The following LGR5 variants were observed in gnomAD, a reference collection of about 807,000 sequenced individuals.
LGR5 encodes the protein leucine rich repeat containing G protein-coupled receptor 5, also known as leucine-rich repeat-containing G protein-coupled receptor 5.
In LGR5, 54 loss-of-function variants were observed where a neutral mutation model predicts 76.7. The ratio of observed to expected loss-of-function variants is 0.70; its 90% CI spans 0.57 to 0.88. LGR5 has a LOEUF of 0.88. Among genes scored for constraint, LGR5 ranks in the 40% least tolerant of loss-of-function variants. LGR5 has a pLI of 0.00. For missense variants in LGR5, 1,078 were observed against 1,073.3 expected, an observed-to-expected ratio of 1.00 and a Z score of -0.06; for synonymous variants, 406 against 421.9, an observed-to-expected ratio of 0.96 and a Z score of 0.46.
At chr12:71,576,888 A>G (rs1878879927) in intron 13 of LGR5, among the ~76,000 whole-genome samples, 2 of 152,016 alleles carry the variant, frequency 1.3e-5, no homozygotes, top group Non-Finnish European at 2.9e-5. Context: ...TTCTCACTCA[A>G]TTACCCAAAG....
At chr12:71,540,414 A>T (rs1565735173) in intron 4 of LGR5, among the ~76,000 whole-genome samples, 1 of 152,220 alleles carries the variant, frequency 6.6e-6, no homozygotes, top group East Asian at 1.9e-4. Flanking sequence ...TATTGTCTCT[A>T]TTCTCCAATT....
chr12:71,544,189 A>T (rs1392677093), intron 4 of LGR5, among the ~76,000 whole-genome samples: 1 of 151,858 alleles, frequency 6.6e-6, no homozygotes, highest in Non-Finnish European at 1.5e-5. Context: ...ATTAGTCTCT[A>T]AATTACTGCA....
intron 15 of LGR5, 123 bp from the exon 16 acceptor site, chr12:71,580,155 T>A: frequency 1.2e-6 from 1 of 837,470 alleles, no homozygotes. Flanking sequence ...GCATAACTTA[T>A]ACTTTGGATT....
intron 4 of LGR5, among the ~76,000 whole-genome samples, chr12:71,543,751 A>G (rs1233454946): frequency 6.6e-6 from 1 of 152,226 alleles, no homozygotes; most frequent in Admixed American, 6.5e-5. Flanking sequence ...TGTTGCAGTA[A>G]TGCAGGTGTG....
At chr12:71,540,263 C>A (rs1487659318) in intron 4 of LGR5, among the ~76,000 whole-genome samples, 1 of 152,160 alleles carries the variant, frequency 6.6e-6, no homozygotes, top group Non-Finnish European at 1.5e-5. Context: ...TCATGTTTGT[C>A]CAGATAACCA....
chr12:71,538,332 G>A (rs1269720348), intron 4 of LGR5, among the ~76,000 whole-genome samples: 1 of 152,068 alleles, frequency 6.6e-6, no homozygotes, highest in Non-Finnish European at 1.5e-5. Flanking sequence ...GGACAACATA[G>A]TGAGACCCCT....
intron 1 of LGR5, among the ~76,000 whole-genome samples, chr12:71,473,652 A>C (rs1016400094): frequency 6.6e-6 from 1 of 151,306 alleles, no homozygotes; most frequent in African/African-American, 2.4e-5. Flanking sequence ...TAAATATAAA[A>C]ATTTAGAATT....
Position 71,447,079 on chromosome 12 carries a change from C to G in LGR5, c.212+6787C>G, listed in dbSNP as rs140988859. Among the ~76,000 whole-genome samples, 399 of 152,268 alleles carry G rather than the reference C, an allele frequency of 2.6e-3. 3 individuals are homozygous for G. Among genetic ancestry groups the G allele is most frequent in the African/African-American group, 8.9e-3 (370 of 41,556 alleles). On this transcript the variant is annotated intron_variant, in intron 1 of 17. Coordinates refer to ENST00000266674, the MANE Select transcript of LGR5 (RefSeq NM_003667.4). The stretch of plus-strand genomic sequence containing the variant: ...GACAGACATGAACTTTCTTAACAGG[C>G]AAATTCTATTTGAGCTTGTATTCAC...
chr12:71,459,408 C>G (rs1416251718), intron 1 of LGR5, among the ~76,000 whole-genome samples: 1 of 152,024 alleles, frequency 6.6e-6, no homozygotes, highest in Non-Finnish European at 1.5e-5. Context: ...ATGGGGAAGC[C>G]AGAAGCTGAG....
intron 6 of LGR5, among the ~76,000 whole-genome samples, chr12:71,558,223 A>T (rs1877873870): frequency 6.6e-6 from 1 of 152,236 alleles, no homozygotes; most frequent in Non-Finnish European, 1.5e-5. Flanking sequence ...TCAGCAATGG[A>T]AATCACCTTC....
chr12:71,544,757 T>G (rs912048099), intron 4 of LGR5, among the ~76,000 whole-genome samples: 5 of 152,216 alleles, frequency 3.3e-5, no homozygotes, highest in African/African-American at 1.2e-4. Flanking sequence ...AAAATGTATG[T>G]ACTTTGTTAA....
chr12:71,537,937 CT>C (rs1004396926), intron 4 of LGR5, among the ~76,000 whole-genome samples: 6 of 151,136 alleles, frequency 4.0e-5, no homozygotes, highest in African/African-American at 4.9e-5. Context: ...CATGGTTTCC[CT>C]TTTTTTTTCT....
At position 71,584,318 on chromosome 12, in the gene LGR5, C is replaced by G; in HGVS notation, c.2308C>G (p.Leu770Val). 1.2e-6 allele frequency: 2 copies of G among 1,614,184 alleles called. No individual in the cohort carries two copies. The highest frequency in any genetic ancestry group is 2.7e-5 in the African/African-American group (2 of 75,058). Reference sequence around the variant, plus strand: ...CTGCTCTATGGTAAAACACATTGCCCTGTTGCTCTTCACCAACTGCATCCT... The same window carrying G: ...CTGCTCTATGGTAAAACACATTGCCGTGTTGCTCTTCACCAACTGCATCCT... ...WDCSMVKHIALLLFTNCILNC... is the reference protein window; with the variant it reads ...WDCSMVKHIAVLLFTNCILNC... The change falls in exon 18 of 18, where the codon CTG becomes GTG. Residue 770 changes from leucine (L) to valine (V), a missense_variant. Coordinates refer to ENST00000266674, the MANE Select transcript of LGR5 (RefSeq NM_003667.4).
intron 1 of LGR5, among the ~76,000 whole-genome samples, chr12:71,465,168 G>A (rs1039421578): frequency 6.6e-6 from 1 of 152,148 alleles, no homozygotes; most frequent in South Asian, 2.1e-4. Flanking sequence ...AGCTCCAGCT[G>A]CACGAATGAG....
chr12:71,441,404 C>T (rs981421114), intron 1 of LGR5: 10 of 152,220 alleles, frequency 6.6e-5, no homozygotes, highest in African/African-American at 2.4e-4. Flanking sequence ...GGTTTTAGAT[C>T]AAGACATTGC....
At chr12:71,465,463 A>G (rs1233115937) in intron 1 of LGR5, among the ~76,000 whole-genome samples, 1 of 152,048 alleles carries the variant, frequency 6.6e-6, no homozygotes, top group Non-Finnish European at 1.5e-5. Context: ...TCTTTATCAT[A>G]TGTGCGTGCA....
intron 15 of LGR5, among the ~76,000 whole-genome samples, chr12:71,579,554 AATGTTT>A (rs919597298): frequency 6.6e-6 from 1 of 152,092 alleles, no homozygotes; most frequent in Non-Finnish European, 1.5e-5. Flanking sequence ...GGGTACATGA[AATGTTT>A]TGATACAGGC....
At chr12:71,519,127 C>A (rs887939444) in intron 2 of LGR5, among the ~76,000 whole-genome samples, 1 of 152,170 alleles carries the variant, frequency 6.6e-6, no homozygotes, top group African/African-American at 2.4e-5. Context: ...CTCCTGCCAT[C>A]CTCCTCCTGT....
intron 3 of LGR5, among the ~76,000 whole-genome samples, chr12:71,532,792 G>A (rs1406527369): frequency 6.7e-6 from 1 of 149,678 alleles, no homozygotes; most frequent in African/African-American, 2.5e-5. Flanking sequence ...AAGTTCAAAT[G>A]AAGATTTTTT....
Sources: allele counts gnomAD v4.1 joint callset (sites outside exome capture counted in the v4.1 genomes callset), GRCh38; gene constraint gnomAD v4.1.1; transcripts MANE v1.5; gene names NCBI Gene and HGNC (gene_info 2026-07-23, HGNC 2026-07-21).